TRDN: variants seen among roughly 807,000 people sequenced by gnomAD.
TRDN encodes the protein triadin, also known as triadin in skeletal muscle.
TRDN carries 161 observed loss-of-function variants against 149.7 expected under a neutral mutation model. The observed-to-expected ratio is 1.08, with a 90% confidence interval of 0.95 to 1.23. The LOEUF is 1.23. TRDN is among the 50% of genes most tolerant of loss of function. TRDN has a pLI of 0.00. For synonymous variants in TRDN, 294 were observed against 250.5 expected (o/e 1.17, Z -1.64); for missense variants, 896 against 823.5 (o/e 1.09, Z -1.08).
intron 1 of TRDN, among the ~76,000 whole-genome samples, chr6:123,576,376 G>T (rs1208197526): frequency 2.0e-5 from 3 of 151,974 alleles, no homozygotes; most frequent in Admixed American, 1.3e-4. Flanking sequence ...CCAGGTTTTT[G>T]GGATATGATT....
intron 1 of TRDN, among the ~76,000 whole-genome samples, chr6:123,618,409 C>G (rs1412868489): frequency 6.6e-6 from 1 of 152,122 alleles, no homozygotes; most frequent in East Asian, 1.9e-4. Flanking sequence ...TGGCCACCAA[C>G]AGAAAAAGTT....
chr6:123,390,919 G>C (rs189423018), intron 13 of TRDN, among the ~76,000 whole-genome samples: 28 of 152,014 alleles, frequency 1.8e-4, no homozygotes, highest in South Asian at 4.2e-4. Context: ...TTTGCTTCAG[G>C]AATCCAGAAG....
At chr6:123,258,048 G>A (rs1255981903) in intron 35 of TRDN, among the ~76,000 whole-genome samples, 1 of 152,092 alleles carries the variant, frequency 6.6e-6, no homozygotes. Context: ...TGACGATGGG[G>A]TTTTCTAAAT....
intron 1 of TRDN, among the ~76,000 whole-genome samples, chr6:123,624,819 T>G (rs935140470): frequency 2.0e-5 from 3 of 152,110 alleles, no homozygotes; most frequent in African/African-American, 7.2e-5. Flanking sequence ...AAATCAGCAA[T>G]AGAGGTTCAA....
rs531211237 is a variant in TRDN at position 123,388,909 on chromosome 6, C to A, written c.1106-358G>T. Among the ~76,000 whole-genome samples the A allele has an allele frequency of 5.5e-4, 83 of 151,964 alleles. 1 individual carries two copies. The highest frequency in any genetic ancestry group is 4.4e-4 in the Non-Finnish European group (30 of 67,946). On this transcript the variant is annotated intron_variant, in intron 13 of 40. Coordinates refer to ENST00000334268, the MANE Select transcript of TRDN (RefSeq NM_006073.4). ...AAATATAGGCTGTGACTGGATTAATCAAAAAAAGTGGAAGTGATATTCCAA... is the reference window on the plus strand; with the variant it reads ...AAATATAGGCTGTGACTGGATTAATAAAAAAAAGTGGAAGTGATATTCCAA...
intron 1 of TRDN, among the ~76,000 whole-genome samples, chr6:123,572,134 T>C (rs1006853363): frequency 1.3e-5 from 2 of 152,146 alleles, no homozygotes; most frequent in African/African-American, 4.8e-5. Context: ...TTAAAATTTT[T>C]GCAATAAGAG....
chr6:123,336,263 C>G (rs1779863309), intron 22 of TRDN, among the ~76,000 whole-genome samples: 1 of 152,018 alleles, frequency 6.6e-6, no homozygotes, highest in Admixed American at 6.6e-5. Flanking sequence ...ATGACTTTGA[C>G]TCTTACCTTT....
At chr6:123,539,122 TC>T (rs1340866344) in intron 4 of TRDN, among the ~76,000 whole-genome samples, 18 of 152,022 alleles carry the variant, frequency 1.2e-4, no homozygotes, top group African/African-American at 3.1e-4. Context: ...TTAATTTGTC[TC>T]TCATGACAAG....
At chr6:123,569,048 T>A (rs1472317649) in intron 2 of TRDN, among the ~76,000 whole-genome samples, 2 of 152,192 alleles carry the variant, frequency 1.3e-5, no homozygotes, top group Non-Finnish European at 2.9e-5. Flanking sequence ...ATTTTTTTGT[T>A]CCCACATCTT....
chr6:123,498,372 T>G (rs1778538046), intron 8 of TRDN: 1 of 306,138 alleles, frequency 3.3e-6, no homozygotes, highest in South Asian at 3.2e-5. Flanking sequence ...CATTTTATTA[T>G]GAAATTCTGT....
At chr6:123,325,895 C>T (rs1779433530) in intron 23 of TRDN, among the ~76,000 whole-genome samples, 2 of 152,020 alleles carry the variant, frequency 1.3e-5, no homozygotes, top group African/African-American at 2.4e-5. Context: ...TTGAGCTTTC[C>T]CCTGCAGGTT....
chr6:123,283,524 C>A (rs1363464817), intron 24 of TRDN, among the ~76,000 whole-genome samples: 1 of 151,166 alleles, frequency 6.6e-6, no homozygotes, highest in Admixed American at 6.6e-5. Flanking sequence ...ATAAATGAAA[C>A]AAAAAGATGG....
intron 2 of TRDN, among the ~76,000 whole-genome samples, chr6:123,564,050 A>G (rs528771030): frequency 6.6e-6 from 1 of 152,256 alleles, no homozygotes. Flanking sequence ...CTTCTTAAAA[A>G]TGAATACTTT....
chr6:123,452,497 A>G (rs1168371837), intron 10 of TRDN, among the ~76,000 whole-genome samples: 1 of 21,108 alleles, frequency 4.7e-5, no homozygotes, highest in Non-Finnish European at 7.9e-5. Context: ...TCCTTTTACA[A>G]TAGTTGCAAA....
At chr6:123,463,353 T>A (rs12210069) in intron 10 of TRDN, among the ~76,000 whole-genome samples, 7,617 of 114,114 alleles carry the variant, frequency 0.067, 251 homozygotes, top group African/African-American at 0.093. Flanking sequence ...AAAAAAAAAA[T>A]AAATAATAAA....
intron 16 of TRDN, among the ~76,000 whole-genome samples, chr6:123,378,451 GTAGT>G (rs2114405168): frequency 8.2e-6 from 1 of 122,498 alleles, no homozygotes; most frequent in East Asian, 2.7e-4. Context: ...AGCCAGATTT[GTAGT>G]GTGTGTGTGT....
intron 26 of TRDN, among the ~76,000 whole-genome samples, chr6:123,277,941 G>A (rs1008096733): frequency 2.0e-5 from 3 of 152,130 alleles, no homozygotes; most frequent in African/African-American, 7.2e-5. Context: ...AGTTTCTACT[G>A]CCTACTGTAG....
chr6:123,500,878 T>A (rs990145772), intron 8 of TRDN, among the ~76,000 whole-genome samples: 6 of 152,200 alleles, frequency 3.9e-5, no homozygotes, highest in Admixed American at 3.9e-4. Flanking sequence ...TATCAAATAG[T>A]TGTTTTAAAA....
intron 10 of TRDN, among the ~76,000 whole-genome samples, chr6:123,446,340 A>C (rs988400369): frequency 2.6e-5 from 4 of 152,100 alleles, no homozygotes; most frequent in African/African-American, 9.7e-5. Flanking sequence ...TACATATGTA[A>C]CTAACCTGCA....
Sources: allele counts gnomAD v4.1 joint callset (sites outside exome capture counted in the v4.1 genomes callset), GRCh38; gene constraint gnomAD v4.1.1; transcripts MANE v1.5; gene names NCBI Gene and HGNC (gene_info 2026-07-23, HGNC 2026-07-21).